INPP4B: variants seen among roughly 807,000 people sequenced by gnomAD.
INPP4B encodes inositol polyphosphate-4-phosphatase type II B.
In INPP4B, 55 loss-of-function variants were observed where a neutral mutation model predicts 122.5. That is an observed-to-expected ratio of 0.45 (90% CI 0.36 to 0.56). The LOEUF is 0.56. INPP4B is among the 20% of genes least tolerant of loss of function. The probability of loss-of-function intolerance (pLI) is 0.00; values close to 1 mark genes in which losing one functional copy is unlikely to be tolerated. For synonymous variants in INPP4B, 403 were observed against 388.7 expected (o/e 1.04, Z -0.43); for missense variants, 1,000 against 1,097.7 (o/e 0.91, Z 1.26).
intron 3 of INPP4B, among the ~76,000 whole-genome samples, chr4:142,447,610 G>T (rs1580087695): frequency 6.6e-6 from 1 of 152,262 alleles, no homozygotes; most frequent in East Asian, 1.9e-4. Context: ...CATGAAAATT[G>T]AAATCACCCT....
At chr4:142,670,841 A>T (rs1395749800) in intron 2 of INPP4B, among the ~76,000 whole-genome samples, 1 of 152,184 alleles carries the variant, frequency 6.6e-6, no homozygotes, top group African/African-American at 2.4e-5. Context: ...GATAATGCAC[A>T]TGTTAATTAG....
intron 7 of INPP4B, among the ~76,000 whole-genome samples, chr4:142,350,126 T>C (rs1405509516): frequency 6.6e-6 from 1 of 152,002 alleles, no homozygotes; most frequent in Non-Finnish European, 1.5e-5. Context: ...GCTGAAGAAC[T>C]TGAATTGTAT....
intron 7 of INPP4B, among the ~76,000 whole-genome samples, chr4:142,333,764 TAC>T (rs1278389822): frequency 6.6e-6 from 1 of 152,188 alleles, no homozygotes; most frequent in Non-Finnish European, 1.5e-5. Flanking sequence ...AAAAATTAAA[TAC>T]AGTTACTGTG....
At chr4:142,771,047 C>T (rs1330626662) in intron 1 of INPP4B, among the ~76,000 whole-genome samples, 3 of 152,076 alleles carry the variant, frequency 2.0e-5, no homozygotes, top group African/African-American at 7.2e-5. Flanking sequence ...CTACAGAGAA[C>T]TTGAAATCAT....
At chr4:142,326,402 A>G (rs1282028085) in intron 7 of INPP4B, among the ~76,000 whole-genome samples, 1 of 152,198 alleles carries the variant, frequency 6.6e-6, no homozygotes, top group Non-Finnish European at 1.5e-5. Flanking sequence ...ATAGCTGATA[A>G]CTTGCTAAAC....
intron 25 of INPP4B, among the ~76,000 whole-genome samples, chr4:142,043,504 G>C (rs1749448539): frequency 1.3e-5 from 2 of 152,058 alleles, no homozygotes; most frequent in Non-Finnish European, 2.9e-5. Flanking sequence ...GCCGGATAGG[G>C]TTTCAAGGAT....
At chr4:142,077,406 T>C (rs1380769981) in intron 25 of INPP4B, among the ~76,000 whole-genome samples, 1 of 152,030 alleles carries the variant, frequency 6.6e-6, no homozygotes, top group Non-Finnish European at 1.5e-5. Context: ...AAAATAATAG[T>C]ACAATGGTAT....
At chr4:142,704,742 T>C (rs545143630) in intron 2 of INPP4B, among the ~76,000 whole-genome samples, 1 of 152,368 alleles carries the variant, frequency 6.6e-6, no homozygotes, top group East Asian at 1.9e-4. Flanking sequence ...ATGATTCCTT[T>C]ATTCTTAACA....
chr4:142,083,360 G>C (rs1367359855), intron 24 of INPP4B, among the ~76,000 whole-genome samples: 1 of 152,118 alleles, frequency 6.6e-6, no homozygotes, highest in Admixed American at 6.5e-5. Flanking sequence ...TTAAGTCAGA[G>C]AAAAATCACT....
chr4:142,545,719 A>T (rs1829491835), intron 2 of INPP4B, among the ~76,000 whole-genome samples: 1 of 127,388 alleles, frequency 7.9e-6, no homozygotes, highest in South Asian at 2.5e-4. Context: ...GTGTGTGTAT[A>T]TGTGTGTATA....
chr4:142,491,569 A>C (rs947944152), intron 2 of INPP4B, among the ~76,000 whole-genome samples: 4 of 152,182 alleles, frequency 2.6e-5, no homozygotes, highest in Non-Finnish European at 4.4e-5. Flanking sequence ...AGACAGGAGA[A>C]TTGCTTGAAC....
chr4:142,496,107 A>T (rs1010894757), intron 2 of INPP4B, among the ~76,000 whole-genome samples: 1 of 152,142 alleles, frequency 6.6e-6, no homozygotes, highest in Non-Finnish European at 1.5e-5. Context: ...TTGGCCTCAC[A>T]TTACTTACTA....
chr4:142,250,720 C>T (rs1731561557), intron 11 of INPP4B, among the ~76,000 whole-genome samples: 1 of 152,022 alleles, frequency 6.6e-6, no homozygotes, highest in South Asian at 2.1e-4. Context: ...TTAGTCTCAT[C>T]TTCCCCTGAT....
At chr4:142,700,104 A>T (rs1174062072) in intron 2 of INPP4B, among the ~76,000 whole-genome samples, 1 of 151,950 alleles carries the variant, frequency 6.6e-6, no homozygotes, top group East Asian at 1.9e-4. Context: ...TGGTTTTCAA[A>T]TTTTCTTCTC....
At chr4:142,169,471 C>T (rs1162310420) in intron 16 of INPP4B, among the ~76,000 whole-genome samples, 1 of 151,666 alleles carries the variant, frequency 6.6e-6, no homozygotes, top group Non-Finnish European at 1.5e-5. Flanking sequence ...ATTCTTCTCT[C>T]TATTATGTGT....
At chr4:142,095,646 T>A (rs567175778) in intron 23 of INPP4B, among the ~76,000 whole-genome samples, 1 of 152,286 alleles carries the variant, frequency 6.6e-6, no homozygotes, top group African/African-American at 2.4e-5. Context: ...AAAAGTATGC[T>A]TTGTTTGAAA....
At chr4:142,243,851 T>C (rs1182937146) in intron 11 of INPP4B, among the ~76,000 whole-genome samples, 2 of 147,660 alleles carry the variant, frequency 1.4e-5, no homozygotes, top group East Asian at 2.0e-4. Flanking sequence ...TTGTGTGGTA[T>C]TGTGAAAGTC....
chr4:142,173,178 G>A (rs1826390946), intron 16 of INPP4B, among the ~76,000 whole-genome samples: 1 of 151,938 alleles, frequency 6.6e-6, no homozygotes, highest in Non-Finnish European at 1.5e-5. Context: ...GCAAACTGAG[G>A]CAGAGGAAGT....
chr4:142,102,034 T>A (rs1784684127), intron 23 of INPP4B, among the ~76,000 whole-genome samples: 1 of 152,106 alleles, frequency 6.6e-6, no homozygotes, highest in Admixed American at 6.6e-5. Flanking sequence ...TTCTGTGAAA[T>A]CCTCTCATGG....
Sources: gnomAD v4.1 joint callset for allele counts (sites outside exome capture counted in the v4.1 genomes callset) on GRCh38, gnomAD v4.1.1 for gene constraint, MANE v1.5 for transcripts, NCBI Gene and HGNC (gene_info 2026-07-23, HGNC 2026-07-21) for gene names.